Variants in PCDHGA7 observed in about 807,000 individuals in gnomAD.
PCDHGA7 encodes protocadherin gamma subfamily A, 7, also known as protocadherin gamma-A7.
A neutral mutation model predicts 58.3 loss-of-function variants in PCDHGA7; 44 were observed. The ratio of observed to expected loss-of-function variants is 0.75; its 90% CI spans 0.59 to 0.97. The LOEUF (loss-of-function observed/expected upper bound fraction) is 0.97. Ranked by LOEUF, PCDHGA7 falls within the 50% of genes least tolerant of loss-of-function variation. PCDHGA7 has a pLI of 0.00. For synonymous variants in PCDHGA7, 516 were observed against 504.2 expected (o/e 1.02, Z -0.31); for missense variants, 1,266 against 1,188.7 (o/e 1.06, Z -0.96).
At position 141,490,440 on chromosome 5, in the gene PCDHGA7, T is replaced by C. The variant is rs560525159; in HGVS notation, c.2425-4367T>C. On this transcript the variant is annotated intron_variant, in intron 1 of 3. Transcript: ENST00000518325. This position sits in a 1 kb window ranked among gnomAD's most constrained non-coding sequence, Gnocchi z 5.4. ...ACCTGCCATTTCAGATTAAGCCTTC[T>C]GAGAACCACTACTCGCTGCTAACCA... 7 of 1,614,206 alleles carry C rather than the reference T, an allele frequency of 4.3e-6. No homozygotes were observed. Among genetic ancestry groups the C allele is most frequent in the Non-Finnish European group, 5.9e-6 (7 of 1,180,040 alleles).
chr5:141,457,809 C>A (rs1404645915), intron 1 of PCDHGA7, among the ~76,000 whole-genome samples: 1 of 152,180 alleles, frequency 6.6e-6, no homozygotes, highest in Non-Finnish European at 1.5e-5. Flanking sequence ...CTCTTGAGGT[C>A]CCAAGATAAA....
chr5:141,401,320 C>A (rs1420214369), intron 1 of PCDHGA7, among the ~76,000 whole-genome samples: 1 of 151,626 alleles, frequency 6.6e-6, no homozygotes, highest in East Asian at 1.9e-4. Flanking sequence ...CCAGCCTGGG[C>A]AACAAGAGCA....
intron 3 of PCDHGA7, among the ~76,000 whole-genome samples, chr5:141,510,230 G>A (rs1285202719): frequency 2.7e-5 from 4 of 149,638 alleles, no homozygotes; most frequent in Non-Finnish European, 5.9e-5. Context: ...CCGGGATCGC[G>A]CCACTGCACT....
intron 1 of PCDHGA7, chr5:141,414,071 A>C: frequency 6.2e-7 from 1 of 1,606,780 alleles, no homozygotes; most frequent in Non-Finnish European, 8.5e-7. Flanking sequence ...TTCCAACTAA[A>C]CAAATATACT....
rs773729429 is a variant in PCDHGA7, at chr5:141,491,406, C to T, written c.2425-3401C>T. ...CGAAGTGCCTTCAGGGAAACGCAGA[C>T]GGGGACGGGGGTGGAGGGCAGTGCT... On this transcript the variant is annotated intron_variant, in intron 1 of 3. Transcript: ENST00000518325. The surrounding 1 kb of genome is among the most constrained non-coding windows in gnomAD (Gnocchi z 6.9). The T allele has an allele frequency of 1.2e-6, 2 of 1,614,096 alleles. No homozygotes were observed. The highest frequency in any genetic ancestry group is 1.7e-6 in the Non-Finnish European group (2 of 1,179,990).
chr5:141,504,752 A>G (rs1194764381), intron 2 of PCDHGA7, among the ~76,000 whole-genome samples: 23 of 151,894 alleles, frequency 1.5e-4, no homozygotes, highest in Non-Finnish European at 3.2e-4. Flanking sequence ...TGAATTTTAG[A>G]AATTTCTTCT....
chr5:141,389,265 G>C (rs1452714844), intron 1 of PCDHGA7: 1 of 1,614,004 alleles, frequency 6.2e-7, no homozygotes, highest in East Asian at 2.2e-5. Flanking sequence ...CCACGTGGCC[G>C]AGAACAACCC....
At chr5:141,472,745 G>A (rs931198460) in intron 1 of PCDHGA7, among the ~76,000 whole-genome samples, 4 of 152,038 alleles carry the variant, frequency 2.6e-5, no homozygotes, top group African/African-American at 9.7e-5. Flanking sequence ...CAGCACTTTG[G>A]GAGGCGGAGG....
At position 141,432,718 on chromosome 5, in the gene PCDHGA7, T is replaced by C; in HGVS notation, c.2424+47395T>C. ...CCGTCCAGGACCACGGCCAGCCCCC[T>C]CTCTCCGCCACTGTCACGCTCACCG... On this transcript the variant is annotated intron_variant, in intron 1 of 3. Coordinates refer to ENST00000518325, the MANE Select transcript of PCDHGA7 (RefSeq NM_018920.4). This position sits in a 1 kb window ranked among gnomAD's most constrained non-coding sequence, Gnocchi z 6.0. 1 of 1,613,476 alleles carries C rather than the reference T, an allele frequency of 6.2e-7. No homozygotes were observed. The highest frequency in any genetic ancestry group is 8.5e-7 in the Non-Finnish European group (1 of 1,179,862).
chr5:141,443,317 C>CAAA (rs35054295), intron 1 of PCDHGA7, among the ~76,000 whole-genome samples: 8 of 142,020 alleles, frequency 5.6e-5, no homozygotes, highest in African/African-American at 2.1e-4. Context: ...CCCATCTCTA[C>CAAA]AAAAAAAAAA....
chr5:141,501,326 CA>C (rs1562200763), intron 2 of PCDHGA7, among the ~76,000 whole-genome samples: 18 of 151,784 alleles, frequency 1.2e-4, no homozygotes, highest in African/African-American at 1.9e-4. Flanking sequence ...CACACACACA[CA>C]CACACACCCC....
intron 1 of PCDHGA7, chr5:141,394,839 G>A (rs1190397731): frequency 6.2e-7 from 1 of 1,613,834 alleles, no homozygotes; most frequent in Non-Finnish European, 8.5e-7. Context: ...GACCGAGTTG[G>A]GCAGTCTGAA....
intron 2 of PCDHGA7, among the ~76,000 whole-genome samples, chr5:141,497,483 C>T (rs1039341023): frequency 6.6e-6 from 1 of 150,378 alleles, no homozygotes; most frequent in Non-Finnish European, 1.5e-5. Context: ...AGGTGCGGAA[C>T]CTCTCTCTCT....
rs2233603 is a variant in PCDHGA7 at position 141,490,063 on chromosome 5, G to A, written c.2425-4744G>A. 1,259 of 1,614,208 alleles carry A rather than the reference G, an allele frequency of 7.8e-4. 6 individuals carry two copies. The African/African-American group carries it at 0.013, about 16-fold the overall frequency. On this transcript the variant is annotated intron_variant, in intron 1 of 3. Transcript: ENST00000518325. The surrounding 1 kb of genome is among the most constrained non-coding windows in gnomAD (Gnocchi z 5.4). ...CACTGATCCAGACGAGGGCACCAAC[G>A]GCCAACTAGACTATTCTTTTGGAGA...
intron 1 of PCDHGA7, 33 bp from the exon 2 acceptor site, chr5:141,494,774 T>C (rs1462930792): frequency 6.2e-7 from 1 of 1,613,860 alleles, no homozygotes; most frequent in African/African-American, 1.3e-5. Flanking sequence ...TTCTCACGGG[T>C]ACTCAGCCCC....
chr5:141,384,648 G>A lies in PCDHGA7; in HGVS notation c.1749G>A (p.Glu583=). 1 of 1,614,238 alleles carries A rather than the reference G, an allele frequency of 6.2e-7. No homozygotes were observed. Among genetic ancestry groups the A allele is most frequent in the Middle Eastern group, 1.6e-4 (1 of 6,062 alleles). ...TGMELAPRSA[E]PGYLVTKVVA... ...TGGAGCTGGCACCCCGCTCCGCAGA[G>A]CCCGGCTACCTGGTGACCAAGGTGG... The change falls in exon 1 of 4, where the codon GAG becomes GAA. Residue 583 remains glutamate (E), a synonymous_variant. Coordinates refer to ENST00000518325, the MANE Select transcript of PCDHGA7 (RefSeq NM_018920.4).
At position 141,491,658 on chromosome 5, in the gene PCDHGA7, C is replaced by A; in HGVS notation, c.2425-3149C>A. 1 of 1,613,822 alleles carries A rather than the reference C, an allele frequency of 6.2e-7. No homozygotes were observed. The highest frequency in any genetic ancestry group is 8.5e-7 in the Non-Finnish European group (1 of 1,180,016). On this transcript the variant is annotated intron_variant, in intron 1 of 3. Coordinates refer to ENST00000518325, the MANE Select transcript of PCDHGA7 (RefSeq NM_018920.4). The surrounding 1 kb of genome is among the most constrained non-coding windows in gnomAD (Gnocchi z 6.9). ...CCACAGCTCTGGCGCTGGAGCCTGA[C>A]GCCATCCGGTCCCGCTCTAATACGC... is the stretch of plus-strand genomic sequence containing the variant.
chr5:141,497,326 T>C (rs1021730142), intron 2 of PCDHGA7, among the ~76,000 whole-genome samples: 1 of 152,060 alleles, frequency 6.6e-6, no homozygotes, highest in Non-Finnish European at 1.5e-5. Flanking sequence ...TGAAGCAGAA[T>C]TCACCATTGA....
chr5:141,458,551 T>A (rs1019302178), intron 1 of PCDHGA7, among the ~76,000 whole-genome samples: 1 of 148,194 alleles, frequency 6.7e-6, no homozygotes, highest in Non-Finnish European at 1.5e-5. Flanking sequence ...TTTGTTTGTT[T>A]GTTTTGGTTT....
Sources: gnomAD v4.1 joint callset for allele counts (sites outside exome capture counted in the v4.1 genomes callset) on GRCh38, gnomAD v4.1.1 for gene constraint, Gnocchi (gnomAD v3.1) non-coding constraint, MANE v1.5 for transcripts, NCBI Gene and HGNC (gene_info 2026-07-23, HGNC 2026-07-21) for gene names.